IL1RAPL2: variants seen among roughly 807,000 people sequenced by gnomAD.
IL1RAPL2 encodes X-linked interleukin-1 receptor accessory protein-like 2.
A neutral mutation model predicts 44.1 loss-of-function variants in IL1RAPL2; 3 were observed. The ratio of observed to expected loss-of-function variants is 0.07; its 90% confidence interval spans 0.03 to 0.18. The LOEUF (loss-of-function observed/expected upper bound fraction) is 0.18, where lower values mean the gene tolerates loss of function less well. Among genes scored for constraint, IL1RAPL2 ranks in the 10% least tolerant of loss-of-function variants. IL1RAPL2 has a pLI of 1.00. For synonymous variants in IL1RAPL2, 181 were observed against 178.8 expected, an observed-to-expected ratio of 1.01 and a Z score of -0.10; for missense variants, 391 against 496.4, an observed-to-expected ratio of 0.79 and a Z score of 2.02.
At chrX:105,529,805 G>A (rs925934084) in intron 6 of IL1RAPL2, among the ~76,000 whole-genome samples, 24 of 111,424 alleles carry the variant, frequency 2.2e-4, no homozygotes, top group Non-Finnish European at 3.8e-4. Context: ...TCTAGATATG[G>A]AACCATACAA....
chrX:105,225,690 TTTTA>T, intron 3 of IL1RAPL2, among the ~76,000 whole-genome samples: 1 of 108,437 alleles, frequency 9.2e-6, no homozygotes, highest in African/African-American at 3.3e-5. Flanking sequence ...TTTTATTTTA[TTTTA>T]TTTTTTTTTC....
chrX:104,631,201 G>C (rs1929639914), intron 1 of IL1RAPL2, among the ~76,000 whole-genome samples: 5 of 111,894 alleles, frequency 4.5e-5, no homozygotes, highest in Admixed American at 9.5e-5. Context: ...GTATTCCATG[G>C]TGTATATGTG....
At chrX:104,633,123 G>C (rs949197744) in intron 1 of IL1RAPL2, among the ~76,000 whole-genome samples, 1 of 111,714 alleles carries the variant, frequency 9.0e-6, no homozygotes, top group East Asian at 2.8e-4. Flanking sequence ...CTTTGGTTCT[G>C]TTTATATGCT....
chrX:104,591,151 C>A (rs1331832735), intron 1 of IL1RAPL2, among the ~76,000 whole-genome samples: 1 of 111,697 alleles, frequency 9.0e-6, no homozygotes, highest in Non-Finnish European at 1.9e-5. Context: ...TCCTTCTCTG[C>A]TTTATGAGTT....
intron 6 of IL1RAPL2, among the ~76,000 whole-genome samples, chrX:105,583,397 G>A (rs2037103579): frequency 9.0e-6 from 1 of 111,526 alleles, no homozygotes; most frequent in Non-Finnish European, 1.9e-5. Flanking sequence ...GCCTCCCAAA[G>A]TGCTAAGATT....
chrX:105,074,392 T>C (rs974882833), intron 2 of IL1RAPL2, among the ~76,000 whole-genome samples: 44 of 111,397 alleles, frequency 3.9e-4, no homozygotes, highest in African/African-American at 1.3e-3. Flanking sequence ...TTCTGTTCCA[T>C]TGGTCTATAT....
At chrX:105,729,415 T>C (rs1187627657) in intron 7 of IL1RAPL2, among the ~76,000 whole-genome samples, 2 of 111,522 alleles carry the variant, frequency 1.8e-5, no homozygotes, top group African/African-American at 6.5e-5. Flanking sequence ...GTAGTGTATG[T>C]CATTGTCTAA....
intron 2 of IL1RAPL2, among the ~76,000 whole-genome samples, chrX:104,756,311 G>A (rs1932338854): frequency 9.0e-6 from 1 of 111,253 alleles, no homozygotes; most frequent in East Asian, 2.8e-4. Context: ...CACCCAACTT[G>A]TTCCTTGTTC....
intron 3 of IL1RAPL2, chrX:105,219,058 T>C: frequency 8.3e-7 from 1 of 1,209,898 alleles, no homozygotes; most frequent in Non-Finnish European, 1.1e-6. Context: ...GCAGTCCCAG[T>C]CCCCTGGCCT....
chrX:104,931,170 C>T (rs957668321), intron 2 of IL1RAPL2, among the ~76,000 whole-genome samples: 2 of 110,592 alleles, frequency 1.8e-5, no homozygotes, highest in Admixed American at 9.7e-5. Context: ...GGAAGCAATA[C>T]TTTTTTTCAA....
intron 8 of IL1RAPL2, among the ~76,000 whole-genome samples, chrX:105,746,797 C>T (rs2038546715): frequency 9.0e-6 from 1 of 111,357 alleles, no homozygotes; most frequent in African/African-American, 3.3e-5. Context: ...TGAAAAACTT[C>T]CCATTCCACG....
At chrX:104,857,068 T>C (rs1335680574) in intron 2 of IL1RAPL2, among the ~76,000 whole-genome samples, 1 of 112,001 alleles carries the variant, frequency 8.9e-6, no homozygotes, top group Non-Finnish European at 1.9e-5. Flanking sequence ...CCATATTACT[T>C]ATTAGAATTT....
At chrX:104,627,946 T>C (rs1266512273) in intron 1 of IL1RAPL2, among the ~76,000 whole-genome samples, 1 of 112,062 alleles carries the variant, frequency 8.9e-6, no homozygotes, top group Non-Finnish European at 1.9e-5. Flanking sequence ...AACTGATCTA[T>C]TATGATGTTA....
At chrX:105,077,231 C>A (rs1184081517) in intron 2 of IL1RAPL2, among the ~76,000 whole-genome samples, 1 of 111,599 alleles carries the variant, frequency 9.0e-6, no homozygotes, top group Non-Finnish European at 1.9e-5. Context: ...TCTTTTAGGG[C>A]AGGCCTGGTG....
chrX:105,495,630 T>G (rs1191233663), intron 6 of IL1RAPL2, among the ~76,000 whole-genome samples: 2 of 111,729 alleles, frequency 1.8e-5, no homozygotes, highest in Non-Finnish European at 3.8e-5. Flanking sequence ...GTCAAGTTGT[T>G]TGATGAAATT....
At chrX:105,054,845 G>A (rs541367860) in intron 2 of IL1RAPL2, among the ~76,000 whole-genome samples, 1 of 111,103 alleles carries the variant, frequency 9.0e-6, no homozygotes, top group African/African-American at 3.3e-5. Flanking sequence ...AGAGAAATAG[G>A]TGCAGCCTCT....
chrX:105,469,404 G>A (rs1325077811), intron 5 of IL1RAPL2, among the ~76,000 whole-genome samples: 1 of 110,686 alleles, frequency 9.0e-6, no homozygotes, highest in Non-Finnish European at 1.9e-5. Context: ...ATTCTGTGTT[G>A]TTCCAGAGAC....
At chrX:105,319,412 C>T (rs1365979433) in intron 5 of IL1RAPL2, among the ~76,000 whole-genome samples, 2 of 111,701 alleles carry the variant, frequency 1.8e-5, no homozygotes, top group Non-Finnish European at 3.8e-5. Context: ...AAGCATTAGG[C>T]AGTGGGTCTA....
At chrX:105,232,672 A>T in intron 3 of IL1RAPL2, among the ~76,000 whole-genome samples, 1 of 112,245 alleles carries the variant, frequency 8.9e-6, no homozygotes, top group African/African-American at 3.2e-5. Flanking sequence ...ATAGAAAAAT[A>T]AAGGCAGAAT....
Sources: allele counts gnomAD v4.1 joint callset (sites outside exome capture counted in the v4.1 genomes callset), GRCh38; gene constraint gnomAD v4.1.1; transcripts MANE v1.5; gene names NCBI Gene and HGNC (gene_info 2026-07-23, HGNC 2026-07-21).